Variants in SLCO5A1 observed in about 807,000 individuals in gnomAD.
SLCO5A1 encodes solute carrier organic anion transporter family member 5A1, also known as organic anion transporter polypeptide-related protein 4.
In SLCO5A1, 39 loss-of-function variants were observed where a neutral mutation model predicts 65.1. The ratio of observed to expected loss-of-function variants is 0.60; its 90% CI spans 0.46 to 0.78. The LOEUF is 0.78. Ranked by LOEUF, SLCO5A1 falls within the 30% of genes least tolerant of loss-of-function variation. The pLI is 0.00. For synonymous variants in SLCO5A1, 438 were observed against 415.7 expected, an observed-to-expected ratio of 1.05 and a Z score of -0.65; for missense variants, 1,029 against 1,069.4, an observed-to-expected ratio of 0.96 and a Z score of 0.53.
At chr8:69,715,128 G>A (rs933032654) in intron 5 of SLCO5A1, among the ~76,000 whole-genome samples, 6 of 152,106 alleles carry the variant, frequency 3.9e-5, no homozygotes, top group Non-Finnish European at 7.4e-5. Flanking sequence ...AACCCACAGA[G>A]GGCAAAAACC....
chr8:69,788,363 A>C (rs1819127076), intron 2 of SLCO5A1, among the ~76,000 whole-genome samples: 1 of 152,216 alleles, frequency 6.6e-6, no homozygotes, highest in African/African-American at 2.4e-5. Flanking sequence ...TGAGTCTAGG[A>C]CTTGTATACT....
intron 4 of SLCO5A1, among the ~76,000 whole-genome samples, chr8:69,740,014 T>C (rs758219747): frequency 3.3e-5 from 5 of 152,238 alleles, no homozygotes; most frequent in African/African-American, 4.8e-5. Flanking sequence ...TAAGAAATAC[T>C]GGTTATATTG....
At chr8:69,802,863 C>T (rs1198854177) in intron 2 of SLCO5A1, among the ~76,000 whole-genome samples, 4 of 152,230 alleles carry the variant, frequency 2.6e-5, no homozygotes, top group East Asian at 3.8e-4. Flanking sequence ...ATATGTCTGC[C>T]TCTTGCACCA....
At chr8:69,831,119 C>A (rs968836364) in intron 2 of SLCO5A1, among the ~76,000 whole-genome samples, 2 of 152,030 alleles carry the variant, frequency 1.3e-5, no homozygotes, top group Admixed American at 6.6e-5. Context: ...CAAAAATTAG[C>A]CAGGCATGAT....
chr8:69,800,124 C>T (rs566314403), intron 2 of SLCO5A1, among the ~76,000 whole-genome samples: 1 of 151,874 alleles, frequency 6.6e-6, no homozygotes, highest in African/African-American at 2.4e-5. Flanking sequence ...CATTATTCTG[C>T]TGAACTTCTA....
intron 5 of SLCO5A1, among the ~76,000 whole-genome samples, chr8:69,729,216 A>G (rs1185557864): frequency 2.6e-5 from 4 of 152,108 alleles, no homozygotes; most frequent in Non-Finnish European, 4.4e-5. Context: ...AGGCCGAGGC[A>G]GGCGGATCAC....
chr8:69,679,650 G>T, intron 7 of SLCO5A1, 31 bp from the exon 8 acceptor site: 1 of 1,606,168 alleles, frequency 6.2e-7, no homozygotes. Context: ...TGAGTTGTGT[G>T]CCCCTCAAAA....
At chr8:69,825,968 T>C (rs1389551556) in intron 2 of SLCO5A1, among the ~76,000 whole-genome samples, 2 of 152,082 alleles carry the variant, frequency 1.3e-5, no homozygotes, top group Non-Finnish European at 2.9e-5. Flanking sequence ...CCCTCAGAAA[T>C]AACGCTGCAT....
chr8:69,720,171 T>G (rs777928681), intron 5 of SLCO5A1, among the ~76,000 whole-genome samples: 2 of 152,254 alleles, frequency 1.3e-5, no homozygotes, highest in Non-Finnish European at 2.9e-5. Context: ...AAAACTTCTC[T>G]TTGGAAGACA....
chr8:69,795,044 C>A (rs570155107), intron 2 of SLCO5A1, among the ~76,000 whole-genome samples: 1 of 152,174 alleles, frequency 6.6e-6, no homozygotes, highest in Non-Finnish European at 1.5e-5. Flanking sequence ...GAGGGACAAC[C>A]CCTGTGATCC....
At chr8:69,687,877 TATAAC>T (rs1049791520) in intron 6 of SLCO5A1, among the ~76,000 whole-genome samples, 5 of 151,750 alleles carry the variant, frequency 3.3e-5, no homozygotes, top group African/African-American at 1.2e-4. Flanking sequence ...ATAATCATAA[TATAAC>T]ATAACATATG....
At chr8:69,694,060 T>C (rs1814388801) in intron 6 of SLCO5A1, among the ~76,000 whole-genome samples, 1 of 152,204 alleles carries the variant, frequency 6.6e-6, no homozygotes, top group Non-Finnish European at 1.5e-5. Context: ...TCAGCTGCTT[T>C]GAAATATCAG....
chr8:69,813,777 G>A (rs1049975642), intron 2 of SLCO5A1, among the ~76,000 whole-genome samples: 2 of 152,096 alleles, frequency 1.3e-5, no homozygotes, highest in African/African-American at 4.8e-5. Flanking sequence ...CTTAAGAGGC[G>A]ACAGGAATCT....
rs114997953 is a variant in SLCO5A1, at chr8:69,704,850, C to T, written c.1622+181G>A. On this transcript the variant is annotated intron_variant, in intron 6 of 9. Coordinates refer to ENST00000260126, the MANE Select transcript of SLCO5A1 (RefSeq NM_030958.3). ...GGGTCAGAAGGGGCACAGAGGAAGACGAGACCCTGGCTTCTGCCCTGCAGG... is the reference window on the plus strand; with the variant it reads ...GGGTCAGAAGGGGCACAGAGGAAGATGAGACCCTGGCTTCTGCCCTGCAGG... 1.0e-3 allele frequency: 616 copies of T among 605,774 alleles called. 4 individuals carry two copies. The highest frequency in any genetic ancestry group is 0.01 in the African/African-American group (542 of 54,152). 37.5% of individuals were successfully genotyped at this position (605,774 alleles called of 1,614,324 possible). A position where few individuals can be genotyped will look rare whatever the true frequency, so the allele number is the denominator to read the frequency against.
intron 2 of SLCO5A1, among the ~76,000 whole-genome samples, chr8:69,769,880 C>T (rs1267496828): frequency 6.6e-6 from 1 of 152,058 alleles, no homozygotes; most frequent in African/African-American, 2.4e-5. Context: ...CTAATGATTA[C>T]TAAATATAAG....
intron 7 of SLCO5A1, among the ~76,000 whole-genome samples, chr8:69,681,889 G>C (rs1346365793): frequency 6.6e-6 from 1 of 152,074 alleles, no homozygotes. Flanking sequence ...GAAACAAATG[G>C]CAGGCCTAGA....
chr8:69,781,814 C>T lies in SLCO5A1; in HGVS notation c.908-19939G>A, dbSNP rs147568010. On this transcript the variant is annotated intron_variant, in intron 2 of 9. Transcript: ENST00000260126. Reference sequence around the variant, plus strand: ...CTGGGATTACAGGCATACACCACCACACCCAGCTCATTTTGTATTTTTAGT... The same window carrying T: ...CTGGGATTACAGGCATACACCACCATACCCAGCTCATTTTGTATTTTTAGT... Among the ~76,000 whole-genome samples, 956 of 152,126 alleles carry T rather than the reference C, an allele frequency of 6.3e-3. 6 individuals are homozygous for T. Among genetic ancestry groups the T allele is most frequent in the African/African-American group, 0.022 (893 of 41,498 alleles).
intron 5 of SLCO5A1, among the ~76,000 whole-genome samples, chr8:69,724,090 A>G (rs1815958110): frequency 6.6e-6 from 1 of 152,194 alleles, no homozygotes; most frequent in African/African-American, 2.4e-5. Flanking sequence ...CTTTTTAGTA[A>G]CAGCAGTATA....
chr8:69,825,994 A>T (rs905272584), intron 2 of SLCO5A1, among the ~76,000 whole-genome samples: 6 of 152,252 alleles, frequency 3.9e-5, no homozygotes, highest in African/African-American at 1.4e-4. Flanking sequence ...CAACTATCTG[A>T]TCTTTGACAA....
Sources: allele counts gnomAD v4.1 joint callset (sites outside exome capture counted in the v4.1 genomes callset), GRCh38; gene constraint gnomAD v4.1.1; transcripts MANE v1.5; gene names NCBI Gene and HGNC (gene_info 2026-07-23, HGNC 2026-07-21).